The following IGFL4 variants were observed in gnomAD, a reference collection of about 807,000 sequenced individuals.
IGFL4 encodes IGF like family member 4.
Under a neutral mutation model 15.4 loss-of-function variants are expected in IGFL4, and 12 were observed. That is an observed-to-expected ratio of 0.78 (90% CI 0.50 to 1.26). The LOEUF (loss-of-function observed/expected upper bound fraction) is 1.26. Ranked by LOEUF, IGFL4 falls within the 50% of genes most tolerant of loss-of-function variation. The pLI, the probability that IGFL4 is intolerant of heterozygous loss-of-function variation, is 0.00. For missense variants in IGFL4, 126 were observed against 147.8 expected, an observed-to-expected ratio of 0.85 and a Z score of 0.76; for synonymous variants, 54 against 55.9, an observed-to-expected ratio of 0.97 and a Z score of 0.16.
chr19:46,071,226 A>G (rs1969543148), intron 1 of IGFL4, among the ~76,000 whole-genome samples: 1 of 152,040 alleles, frequency 6.6e-6, no homozygotes, highest in African/African-American at 2.4e-5. Flanking sequence ...CACACCAGCA[A>G]GTCAGCAAAG....
At chr19:46,061,695 G>T (rs1435417160) in intron 1 of IGFL4, among the ~76,000 whole-genome samples, 1 of 152,084 alleles carries the variant, frequency 6.6e-6, no homozygotes, top group African/African-American at 2.4e-5. Context: ...GCATTTAATT[G>T]CTAGGCAACC....
chr19:46,059,198 A>G (rs1395401517), intron 2 of IGFL4: 4 of 152,242 alleles, frequency 2.6e-5, no homozygotes, highest in Non-Finnish European at 5.9e-5. Flanking sequence ...TGCCTTAACC[A>G]TCTGGGAATG....
At chr19:46,069,069 T>G (rs1285232514) in intron 1 of IGFL4, among the ~76,000 whole-genome samples, 1 of 152,168 alleles carries the variant, frequency 6.6e-6, no homozygotes, top group African/African-American at 2.4e-5. Flanking sequence ...GTCCTATCAG[T>G]ACTGTATAGA....
intron 1 of IGFL4, among the ~76,000 whole-genome samples, chr19:46,075,626 C>T (rs1163085023): frequency 2.0e-5 from 3 of 152,198 alleles, no homozygotes; most frequent in Non-Finnish European, 4.4e-5. Flanking sequence ...ATACTGTCAA[C>T]ATGATTTATC....
At chr19:46,067,533 CT>C (rs1969506653) in intron 1 of IGFL4, among the ~76,000 whole-genome samples, 1 of 152,140 alleles carries the variant, frequency 6.6e-6, no homozygotes, top group South Asian at 2.1e-4. Flanking sequence ...AAAAGCTAGC[CT>C]AGAAAATTCC....
At chr19:46,069,244 C>T (rs1027504379) in intron 1 of IGFL4, among the ~76,000 whole-genome samples, 6 of 152,186 alleles carry the variant, frequency 3.9e-5, no homozygotes, top group African/African-American at 1.4e-4. Context: ...ATTTTCTCTC[C>T]ATCTGGATTC....
intron 1 of IGFL4, among the ~76,000 whole-genome samples, chr19:46,065,917 T>C (rs1178599609): frequency 6.6e-6 from 1 of 152,088 alleles, no homozygotes; most frequent in East Asian, 1.9e-4. Context: ...TGGAAAAAAA[T>C]CCTGGGAGCA....
At chr19:46,077,226 C>G (rs1969613343), upstream of IGFL4, 1 of 152,270 alleles carries the variant, frequency 6.6e-6, no homozygotes, top group Non-Finnish European at 1.5e-5. The surrounding 1 kb of genome is among the most constrained non-coding windows in gnomAD (Gnocchi z 5.4). Context: ...CCTGCATACT[C>G]AGGTGCCAGC....
intron 1 of IGFL4, among the ~76,000 whole-genome samples, chr19:46,068,866 A>G (rs1424907171): frequency 6.6e-6 from 1 of 151,914 alleles, no homozygotes; most frequent in African/African-American, 2.4e-5. Context: ...AGACACATTC[A>G]CTCTGAGCAC....
intron 2 of IGFL4, among the ~76,000 whole-genome samples, chr19:46,057,037 G>A (rs536435044): frequency 6.6e-6 from 1 of 152,194 alleles, no homozygotes; most frequent in African/African-American, 2.4e-5. Flanking sequence ...AATATGTGAA[G>A]ATCTCCAAGG....
At chr19:46,048,424 A>G (rs1432209024) in intron 2 of IGFL4, among the ~76,000 whole-genome samples, 1 of 152,192 alleles carries the variant, frequency 6.6e-6, no homozygotes, top group African/African-American at 2.4e-5. Flanking sequence ...GGCCAGGGCA[A>G]TTAGGCTAGA....
At chr19:46,041,158 G>A, upstream of IGFL4, 1 of 565,868 alleles carries the variant, frequency 1.8e-6, no homozygotes, top group Non-Finnish European at 3.1e-6. Context: ...AGATGCTTCT[G>A]GACCTGTTCC....
intron 1 of IGFL4, among the ~76,000 whole-genome samples, chr19:46,064,483 T>C (rs1969476185): frequency 6.6e-6 from 1 of 152,150 alleles, no homozygotes; most frequent in Admixed American, 6.5e-5. Flanking sequence ...CCCATACCCT[T>C]TCCAGCCTCC....
rs146977885 is a variant in IGFL4, at chr19:46,051,505, G to A, written c.-323+8680C>T. Reference sequence around the variant, plus strand: ...GGTTGCAGTGAGCCGAGATCGTGCCGCTGCACTCCAACCTGGGTGACGGAG... The same window carrying A: ...GGTTGCAGTGAGCCGAGATCGTGCCACTGCACTCCAACCTGGGTGACGGAG... On this transcript the variant is annotated intron_variant, in intron 2 of 5. Transcript: ENST00000601672. Among the ~76,000 whole-genome samples the A allele has an allele frequency of 3.7e-3, 565 of 152,170 alleles. 4 individuals are homozygous for A. Among genetic ancestry groups the A allele is most frequent in the African/African-American group, 0.013 (520 of 41,492 alleles).
At chr19:46,064,064 T>TC (rs1312699351) in intron 1 of IGFL4, among the ~76,000 whole-genome samples, 1 of 118,124 alleles carries the variant, frequency 8.5e-6, no homozygotes, top group African/African-American at 3.2e-5. Flanking sequence ...AGAACGAGAC[T>TC]CCACCTGAAA....
At chr19:46,066,515 A>G (rs1298203440) in intron 1 of IGFL4, among the ~76,000 whole-genome samples, 1 of 152,194 alleles carries the variant, frequency 6.6e-6, no homozygotes, top group Non-Finnish European at 1.5e-5. Context: ...ACCCAAGGCT[A>G]GGTAATTTAC....
chr19:46,061,058 A>T (rs947972131), intron 1 of IGFL4, among the ~76,000 whole-genome samples: 10 of 152,168 alleles, frequency 6.6e-5, no homozygotes, highest in African/African-American at 2.4e-4. Context: ...ACTGAGTAAT[A>T]CCCCTTTAAC....
upstream of IGFL4, among the ~76,000 whole-genome samples, chr19:46,043,429 A>G (rs925080606): frequency 3.9e-5 from 6 of 152,218 alleles, no homozygotes; most frequent in Non-Finnish European, 1.5e-5. Context: ...GATTTGTCTC[A>G]GATAGAAGCA....
At chr19:46,065,181 T>C (rs1367996145) in intron 1 of IGFL4, among the ~76,000 whole-genome samples, 1 of 152,034 alleles carries the variant, frequency 6.6e-6, no homozygotes. Context: ...TCCTTAGGTA[T>C]TGTGGTTACT....
Sources: allele counts gnomAD v4.1 joint callset (sites outside exome capture counted in the v4.1 genomes callset), GRCh38; gene constraint gnomAD v4.1.1; non-coding constraint Gnocchi (gnomAD v3.1); transcripts MANE v1.5; gene names NCBI Gene and HGNC (gene_info 2026-07-23, HGNC 2026-07-21).